Variants in ZBTB20 observed in about 807,000 individuals in gnomAD.
The protein encoded by ZBTB20 is zinc finger and BTB domain containing 20, also known as zinc finger and BTB domain-containing protein 20.
ZBTB20 carries 9 observed loss-of-function variants against 56.9 expected under a neutral mutation model. That is an observed-to-expected ratio of 0.16 (90% confidence interval 0.10 to 0.28). The LOEUF (loss-of-function observed/expected upper bound fraction) is 0.28, where lower values mean the gene tolerates loss of function less well. ZBTB20 is among the 10% of genes least tolerant of loss of function. The probability of loss-of-function intolerance (pLI) is 1.00; values close to 1 mark genes in which losing one functional copy is unlikely to be tolerated. For missense variants in ZBTB20, 655 were observed against 1,003.0 expected (o/e 0.65, Z 4.69); for synonymous variants, 417 against 420.7 (o/e 0.99, Z 0.11).
intron 5 of ZBTB20, among the ~76,000 whole-genome samples, chr3:114,716,803 A>G (rs2064513080): frequency 6.6e-6 from 1 of 152,114 alleles, no homozygotes; most frequent in African/African-American, 2.4e-5. Context: ...ACCCTTATGC[A>G]CTTGGTTCTG....
intron 7 of ZBTB20, among the ~76,000 whole-genome samples, chr3:114,466,971 C>A (rs1228412345): frequency 1.3e-5 from 2 of 152,162 alleles, no homozygotes; most frequent in Non-Finnish European, 2.9e-5. Context: ...ACAAAGTTAC[C>A]TGAAGCAGGC....
intron 10 of ZBTB20, among the ~76,000 whole-genome samples, chr3:114,358,787 A>T (rs2081506430): frequency 6.6e-6 from 1 of 152,220 alleles, no homozygotes; most frequent in African/African-American, 2.4e-5. Context: ...CTTAAATCTA[A>T]ATCAATAGAA....
Position 114,664,105 on chromosome 3 carries a change from G to A in ZBTB20, c.-295+29423C>T, listed in dbSNP as rs947785449. Among the ~76,000 whole-genome samples, 7 of 152,120 alleles carry A rather than the reference G, an allele frequency of 4.6e-5. 1 individual carries two copies. In the South Asian group the frequency reaches 1.2e-3, roughly 27 times the overall value. ...TTCTAAATCTAAAGTAAATGTTCATGAGACTCATGAACTTGTATCTAGACA... is the reference window on the plus strand; with the variant it reads ...TTCTAAATCTAAAGTAAATGTTCATAAGACTCATGAACTTGTATCTAGACA... On this transcript the variant is annotated intron_variant, in intron 6 of 11. Coordinates refer to ENST00000675478, the MANE Select transcript of ZBTB20 (RefSeq NM_001348800.3).
At chr3:114,691,782 G>A (rs2062711834) in intron 6 of ZBTB20, among the ~76,000 whole-genome samples, 1 of 151,698 alleles carries the variant, frequency 6.6e-6, no homozygotes, top group Non-Finnish European at 1.5e-5. Context: ...ATTAATGATT[G>A]GATTTAAATT....
chr3:114,663,424 C>T (rs2060858366), intron 6 of ZBTB20, among the ~76,000 whole-genome samples: 1 of 147,574 alleles, frequency 6.8e-6, no homozygotes, highest in Admixed American at 6.7e-5. Flanking sequence ...GTACCAGCCG[C>T]TGCAAAATCA....
chr3:114,492,659 A>T (rs1430470414), intron 7 of ZBTB20, among the ~76,000 whole-genome samples: 1 of 152,160 alleles, frequency 6.6e-6, no homozygotes, highest in Non-Finnish European at 1.5e-5. Flanking sequence ...CTTCCAAATT[A>T]TTTACCAAAG....
intron 5 of ZBTB20, among the ~76,000 whole-genome samples, chr3:114,760,035 T>C (rs2068323207): frequency 6.6e-6 from 1 of 152,092 alleles, no homozygotes; most frequent in Non-Finnish European, 1.5e-5. Context: ...TTTTCAAAGA[T>C]TAAAAAATTT....
intron 3 of ZBTB20, among the ~76,000 whole-genome samples, chr3:114,971,010 G>T (rs1043585667): frequency 2.2e-5 from 3 of 138,930 alleles, no homozygotes; most frequent in Non-Finnish European, 4.5e-5. Context: ...GCGAGACTCC[G>T]TCAAAAAAAA....
chr3:115,052,438 T>C (rs1378776620), intron 2 of ZBTB20, among the ~76,000 whole-genome samples: 3 of 151,390 alleles, frequency 2.0e-5, no homozygotes, highest in African/African-American at 4.9e-5. Context: ...ACCTAGGTAA[T>C]GGAGTGAGAC....
At chr3:114,777,916 T>TA (rs1259701030) in intron 5 of ZBTB20, among the ~76,000 whole-genome samples, 1 of 151,556 alleles carries the variant, frequency 6.6e-6, no homozygotes, top group Non-Finnish European at 1.5e-5. Flanking sequence ...TATGCAGCCA[T>TA]AAAAAATGAT....
At chr3:114,848,488 A>G (rs1245191326) in intron 4 of ZBTB20, among the ~76,000 whole-genome samples, 1 of 152,170 alleles carries the variant, frequency 6.6e-6, no homozygotes, top group Non-Finnish European at 1.5e-5. Context: ...AGACATGGAA[A>G]TTCTTACAAT....
chr3:114,419,502 CT>C (rs1236176543), intron 7 of ZBTB20, among the ~76,000 whole-genome samples: 2 of 152,030 alleles, frequency 1.3e-5, no homozygotes, highest in African/African-American at 4.8e-5. Context: ...CACATTGAGG[CT>C]GCTTTTCAAG....
chr3:114,961,817 C>G (rs1468213765), intron 3 of ZBTB20, among the ~76,000 whole-genome samples: 2 of 151,962 alleles, frequency 1.3e-5, no homozygotes, highest in African/African-American at 2.4e-5. Context: ...GAGCAGAAGC[C>G]AACACTAATT....
intron 3 of ZBTB20, among the ~76,000 whole-genome samples, chr3:114,965,476 T>C (rs1456805616): frequency 6.6e-6 from 1 of 152,174 alleles, no homozygotes; most frequent in Non-Finnish European, 1.5e-5. Context: ...ACCAACATTA[T>C]ACTCTCCGTT....
At chr3:114,905,337 C>T (rs1054488683) in intron 3 of ZBTB20, among the ~76,000 whole-genome samples, 8 of 151,848 alleles carry the variant, frequency 5.3e-5, no homozygotes, top group Non-Finnish European at 1.0e-4. Flanking sequence ...GAAAATTTTA[C>T]TGGCCTGCTT....
At chr3:114,863,884 G>T (rs747555408) in intron 4 of ZBTB20, among the ~76,000 whole-genome samples, 3 of 151,874 alleles carry the variant, frequency 2.0e-5, no homozygotes, top group Non-Finnish European at 4.4e-5. Context: ...GTGTTTAATT[G>T]CTATCAGCAA....
intron 1 of ZBTB20, among the ~76,000 whole-genome samples, chr3:115,139,962 A>T (rs1167437594): frequency 6.6e-6 from 1 of 152,088 alleles, no homozygotes; most frequent in Admixed American, 6.6e-5. Context: ...GTATCATTAA[A>T]ATTAAACTTT....
At chr3:114,429,681 C>G (rs774166913) in intron 7 of ZBTB20, among the ~76,000 whole-genome samples, 1 of 151,698 alleles carries the variant, frequency 6.6e-6, no homozygotes, top group South Asian at 2.1e-4. Flanking sequence ...GTTCTATATC[C>G]GCAAATGGAA....
chr3:114,703,906 G>A (rs947560203), intron 5 of ZBTB20, among the ~76,000 whole-genome samples: 1 of 152,188 alleles, frequency 6.6e-6, no homozygotes, highest in Non-Finnish European at 1.5e-5. Flanking sequence ...GCCTGTGGAC[G>A]AAAGGGATCC....
Sources: allele counts gnomAD v4.1 joint callset (sites outside exome capture counted in the v4.1 genomes callset), GRCh38; gene constraint gnomAD v4.1.1; transcripts MANE v1.5; gene names NCBI Gene and HGNC (gene_info 2026-07-23, HGNC 2026-07-21).